PSD3: variants seen among roughly 807,000 people sequenced by gnomAD.
PSD3 encodes the protein PH and SEC7 domain-containing protein 3.
A neutral mutation model predicts 105.5 loss-of-function variants in PSD3; 49 were observed. The observed-to-expected ratio is 0.46, with a 90% CI of 0.37 to 0.59. PSD3 has a LOEUF of 0.59. PSD3 is among the 20% of genes least tolerant of loss of function. The pLI, the probability that PSD3 is intolerant of heterozygous loss-of-function variation, is 0.00. For synonymous variants in PSD3, 557 were observed against 457.8 expected (o/e 1.22, Z -2.77); for missense variants, 1,561 against 1,263.8 (o/e 1.24, Z -3.57).
chr8:18,958,919 G>GA (rs746160041), intron 1 of PSD3, among the ~76,000 whole-genome samples: 2 of 114,998 alleles, frequency 1.7e-5, no homozygotes, highest in Non-Finnish European at 3.8e-5. Context: ...GTTAAGTGGT[G>GA]TTTTTTTTTT....
At chr8:18,771,512 A>G (rs1304438353) in intron 8 of PSD3, among the ~76,000 whole-genome samples, 1 of 152,176 alleles carries the variant, frequency 6.6e-6, no homozygotes, top group Non-Finnish European at 1.5e-5. Context: ...TTTTGAGTTC[A>G]TTTTTGTACG....
At chr8:18,540,575 T>G (rs529664773) in intron 15 of PSD3, among the ~76,000 whole-genome samples, 7 of 152,334 alleles carry the variant, frequency 4.6e-5, no homozygotes, top group African/African-American at 1.7e-4. Flanking sequence ...GTTTTGTCCA[T>G]CTATCTTCAG....
intron 2 of PSD3, among the ~76,000 whole-genome samples, chr8:18,915,889 A>G (rs1159335289): frequency 1.3e-5 from 2 of 152,028 alleles, no homozygotes; most frequent in Admixed American, 6.6e-5. Flanking sequence ...TGAGGTTGGG[A>G]GTTAGAGACC....
At chr8:18,840,903 T>C (rs1476171747) in intron 4 of PSD3, among the ~76,000 whole-genome samples, 1 of 152,202 alleles carries the variant, frequency 6.6e-6, no homozygotes, top group African/African-American at 2.4e-5. Context: ...TTGTCTTACT[T>C]CCTCGAGATC....
At chr8:18,935,161 G>A (rs932199079) in intron 2 of PSD3, among the ~76,000 whole-genome samples, 25 of 152,106 alleles carry the variant, frequency 1.6e-4, no homozygotes, top group African/African-American at 5.8e-4. Context: ...AATTATTACT[G>A]TAATTAGCAC....
At chr8:19,045,050 T>C (rs1168727586) in intron 1 of PSD3, among the ~76,000 whole-genome samples, 1 of 152,090 alleles carries the variant, frequency 6.6e-6, no homozygotes, top group Non-Finnish European at 1.5e-5. Context: ...CTGAGTGTGG[T>C]GGTGCACACC....
intron 13 of PSD3, 42 bp from the exon 14 acceptor site, chr8:18,572,714 C>T (rs1802218641): frequency 1.3e-6 from 2 of 1,591,230 alleles, no homozygotes; most frequent in Non-Finnish European, 8.6e-7. Flanking sequence ...ATTGCCATGT[C>T]TAAGTAGCAT....
intron 1 of PSD3, among the ~76,000 whole-genome samples, chr8:19,035,552 G>GT (rs535486125): frequency 8.6e-4 from 130 of 151,924 alleles, no homozygotes; most frequent in African/African-American, 3.1e-3. Context: ...TCCCTTTTAT[G>GT]TTTTTTGTGT....
intron 9 of PSD3, among the ~76,000 whole-genome samples, chr8:18,753,222 G>T (rs1335473453): frequency 1.3e-5 from 2 of 151,972 alleles, no homozygotes. Flanking sequence ...AGGTGTGGTA[G>T]CGTGCGCCTT....
intron 4 of PSD3, among the ~76,000 whole-genome samples, chr8:18,837,317 G>C (rs1814195628): frequency 6.6e-6 from 1 of 152,140 alleles, no homozygotes. Flanking sequence ...TTTGTGGTAA[G>C]CAAGTCTTCC....
At chr8:18,844,797 A>T (rs1397546370) in intron 4 of PSD3, among the ~76,000 whole-genome samples, 4 of 152,250 alleles carry the variant, frequency 2.6e-5, no homozygotes, top group Non-Finnish European at 5.9e-5. Flanking sequence ...TTTAACCAAG[A>T]GAAGAATCGT....
intron 12 of PSD3, among the ~76,000 whole-genome samples, chr8:18,582,279 G>C (rs1378908595): frequency 2.0e-5 from 3 of 152,124 alleles, no homozygotes; most frequent in Admixed American, 6.6e-5. Context: ...CACTGAAACT[G>C]CTTTATCGAT....
At chr8:18,935,580 C>A (rs1822062796) in intron 2 of PSD3, among the ~76,000 whole-genome samples, 1 of 151,216 alleles carries the variant, frequency 6.6e-6, no homozygotes, top group Non-Finnish European at 1.5e-5. Flanking sequence ...GCCTGTAGTC[C>A]CAGCTAGTTG....
chr8:18,817,944 G>A (rs1442423026), intron 4 of PSD3, among the ~76,000 whole-genome samples: 6 of 152,102 alleles, frequency 3.9e-5, no homozygotes, highest in African/African-American at 7.2e-5. Context: ...TATGCATTAC[G>A]TTTTTTGTTT....
At chr8:18,903,061 T>C (rs1017155748) in intron 2 of PSD3, among the ~76,000 whole-genome samples, 3 of 152,088 alleles carry the variant, frequency 2.0e-5, no homozygotes, top group Non-Finnish European at 2.9e-5. Context: ...ACTTGCTGTC[T>C]GTGAAAGGAT....
intron 8 of PSD3, among the ~76,000 whole-genome samples, chr8:18,797,665 C>T (rs576238363): frequency 6.6e-6 from 1 of 152,100 alleles, no homozygotes; most frequent in Admixed American, 6.6e-5. Context: ...ATTATTAAAG[C>T]TATATTAGCT....
At chr8:18,667,300 T>C (rs1458056736) in intron 9 of PSD3, among the ~76,000 whole-genome samples, 2 of 152,154 alleles carry the variant, frequency 1.3e-5, no homozygotes, top group Non-Finnish European at 2.9e-5. Flanking sequence ...ACAAAACTTC[T>C]CCACCTACCC....
chr8:19,026,768 G>A (rs1024399454), intron 1 of PSD3, among the ~76,000 whole-genome samples: 6 of 151,476 alleles, frequency 4.0e-5, no homozygotes, highest in Non-Finnish European at 7.4e-5. Flanking sequence ...AGCTACTTGG[G>A]AGGCTGAGTT....
intron 11 of PSD3, among the ~76,000 whole-genome samples, chr8:18,623,448 C>CAAAA (rs1415289898): frequency 0.01 from 681 of 66,522 alleles, 40 homozygotes; most frequent in Non-Finnish European, 0.012. Context: ...CCCGTCTCCC[C>CAAAA]AAAAAAAAAA....
Sources: allele counts gnomAD v4.1 joint callset (sites outside exome capture counted in the v4.1 genomes callset), GRCh38; gene constraint gnomAD v4.1.1; transcripts MANE v1.5; gene names NCBI Gene and HGNC (gene_info 2026-07-23, HGNC 2026-07-21).